The following LOC400499 variants were observed in gnomAD, a reference collection of about 807,000 sequenced individuals.
At chr16:11,383,373 G>C in the LOC400499 span, among the ~76,000 whole-genome samples, 1 of 152,142 alleles carries the variant, frequency 6.6e-6, no homozygotes, top group Non-Finnish European at 1.5e-5. Flanking sequence ...AGCCTTGCCA[G>C]CTTCTTTTTA....
the LOC400499 span, among the ~76,000 whole-genome samples, chr16:11,456,077 T>A: frequency 4.7e-5 from 7 of 150,460 alleles, no homozygotes; most frequent in African/African-American, 1.7e-4. Flanking sequence ...GGAGTTTCAC[T>A]CTTGTTGCCC....
chr16:11,383,650 G>GGAGGAGGGGCCA, the LOC400499 span: 1 of 1,232,270 alleles, frequency 8.1e-7, no homozygotes, highest in East Asian at 3.2e-5. Flanking sequence ...ACCACACTGT[G>GGAGGAGGGGCCA]GAGGAGGGGC....
chr16:11,452,448 A>G, the LOC400499 span, among the ~76,000 whole-genome samples: 22,322 of 152,012 alleles, frequency 0.15, 3,554 homozygotes, highest in East Asian at 0.42. Context: ...CCTAGAGCTG[A>G]CCACACGCGG....
chr16:11,474,641 C>T, the LOC400499 span, among the ~76,000 whole-genome samples: 1 of 151,508 alleles, frequency 6.6e-6, no homozygotes, highest in African/African-American at 2.4e-5. Context: ...AGGTGGATCA[C>T]TTGAGCCCAG....
At chr16:11,402,144 G>A in the LOC400499 span, 10 of 399,010 alleles carry the variant, frequency 2.5e-5, no homozygotes, top group East Asian at 3.6e-5. Flanking sequence ...AGGGGCAGCG[G>A]GTGGGTGAGC....
chr16:11,524,984 C>T, the LOC400499 span, among the ~76,000 whole-genome samples: 2 of 152,136 alleles, frequency 1.3e-5, no homozygotes, highest in African/African-American at 4.8e-5. Flanking sequence ...CCTGTTTAAT[C>T]CCTCGAAAAA....
chr16:11,520,394 C>T, the LOC400499 span, among the ~76,000 whole-genome samples: 8 of 152,148 alleles, frequency 5.3e-5, no homozygotes, highest in African/African-American at 1.7e-4. Flanking sequence ...TAGTGGCTCA[C>T]GCCTGTAATC....
chr16:11,469,972 G>C, the LOC400499 span, among the ~76,000 whole-genome samples: 1 of 152,124 alleles, frequency 6.6e-6, no homozygotes, highest in African/African-American at 2.4e-5. Context: ...GCATGATCTC[G>C]GCTCACTGCA....
chr16:11,526,247 A>G, the LOC400499 span, among the ~76,000 whole-genome samples: 3 of 152,222 alleles, frequency 2.0e-5, no homozygotes, highest in Non-Finnish European at 4.4e-5. Context: ...AATTTTAATT[A>G]AACAAAAAAC....
the LOC400499 span, among the ~76,000 whole-genome samples, chr16:11,440,492 C>T: frequency 0.057 from 8,720 of 152,240 alleles, 311 homozygotes; most frequent in East Asian, 0.14. Flanking sequence ...AGCAGAGCCA[C>T]GCTGAACTGC....
chr16:11,453,971 T>C, the LOC400499 span, among the ~76,000 whole-genome samples: 8 of 152,326 alleles, frequency 5.3e-5, no homozygotes, highest in African/African-American at 1.9e-4. Flanking sequence ...CAAAATGACA[T>C]GTTTCCAAAT....
the LOC400499 span, chr16:11,446,665 C>A: frequency 6.5e-7 from 1 of 1,535,044 alleles, no homozygotes; most frequent in African/African-American, 1.4e-5. Flanking sequence ...TACATGTACA[C>A]ACGCATGCAG....
the LOC400499 span, among the ~76,000 whole-genome samples, chr16:11,429,445 G>A: frequency 3.3e-5 from 5 of 152,138 alleles, no homozygotes; most frequent in Admixed American, 6.5e-5. Context: ...AGGGCAAAGG[G>A]AGTTAGCAGG....
At chr16:11,439,310 C>T in the LOC400499 span, among the ~76,000 whole-genome samples, 1 of 152,186 alleles carries the variant, frequency 6.6e-6, no homozygotes, top group African/African-American at 2.4e-5. Flanking sequence ...TGGAAACCTC[C>T]CTGCCATCTG....
the LOC400499 span, among the ~76,000 whole-genome samples, chr16:11,389,241 A>AC: frequency 1.2e-4 from 18 of 151,200 alleles, no homozygotes; most frequent in Middle Eastern, 3.4e-3. Context: ...CATAGGATCC[A>AC]CCCCCCCATC....
the LOC400499 span, among the ~76,000 whole-genome samples, chr16:11,389,016 G>C: frequency 6.6e-6 from 1 of 152,182 alleles, no homozygotes; most frequent in African/African-American, 2.4e-5. Context: ...GAACTTGGGA[G>C]GCAGAGGTTG....
At chr16:11,404,775 C>G in the LOC400499 span, 1 of 398,984 alleles carries the variant, frequency 2.5e-6, no homozygotes, top group African/African-American at 2.1e-5. Flanking sequence ...CACCTCCTGG[C>G]CATCCCACAG....
the LOC400499 span, among the ~76,000 whole-genome samples, chr16:11,384,648 T>C: frequency 2.2e-4 from 33 of 152,310 alleles, no homozygotes; most frequent in Non-Finnish European, 3.4e-4. Context: ...AACTCCACAC[T>C]GGAGCCGCGT....
chr16:11,433,738 G>C, the LOC400499 span, among the ~76,000 whole-genome samples: 1 of 152,172 alleles, frequency 6.6e-6, no homozygotes. Flanking sequence ...ATGCCCGCAT[G>C]ATGAAGCCAC....
Sources: allele counts gnomAD v4.1 joint callset (sites outside exome capture counted in the v4.1 genomes callset), GRCh38; gene constraint gnomAD v4.1.1; transcripts MANE v1.5.